Variants in SDR39U1 observed in about 807,000 individuals in gnomAD.
SDR39U1 encodes short chain dehydrogenase/reductase family 39U member 1.
Under a neutral mutation model 31.7 loss-of-function variants are expected in SDR39U1, and 29 were observed. The observed-to-expected ratio is 0.92, with a 90% CI of 0.68 to 1.25. SDR39U1 has a LOEUF of 1.25. SDR39U1 is among the 50% of genes most tolerant of loss of function. The pLI is 0.00. For missense variants in SDR39U1, 403 were observed against 378.4 expected (o/e 1.06, Z -0.54); for synonymous variants, 147 against 159.0 (o/e 0.92, Z 0.57).
intron 4 of SDR39U1, 113 bp from the exon 5 acceptor site, chr14:24,441,039 G>A: frequency 8.8e-7 from 1 of 1,141,528 alleles, no homozygotes; most frequent in Non-Finnish European, 1.3e-6. Flanking sequence ...TCCCCATTTG[G>A]AGACAGAGCC....
At chr14:24,440,632 T>A (rs1308232040) in intron 5 of SDR39U1, 140 bp from the exon 6 acceptor site, 1 of 1,354,982 alleles carries the variant, frequency 7.4e-7, no homozygotes, top group African/African-American at 1.5e-5. Context: ...ATGGCTGTCT[T>A]TAAGACCTCA....
chr14:24,442,356 C>T lies in SDR39U1; in HGVS notation c.113G>A (p.Arg38Gln). ...TLVSRKPGPG[R>Q]ITWDELAASG... is the part of the protein sequence containing the mutation. ...AGAGGATGGACTTACCCACGTGATC[C>T]GGCCGGGCCCGGGCTTTCGGGAGAC... Residue 38 changes from arginine to glutamine, a missense_variant, in exon 2 of 6, where the codon CGG becomes CAG. By Grantham distance (43) the Arg-to-Gln change is conservative. Coordinates refer to ENST00000399395, the MANE Select transcript of SDR39U1 (RefSeq NM_020195.3). 1 of 1,611,142 alleles carries T rather than the reference C, an allele frequency of 6.2e-7. No individual in the cohort carries two copies. Among genetic ancestry groups the T allele is most frequent in the South Asian group, 1.1e-5 (1 of 90,388 alleles).
In SDR39U1 at chr14:24,442,335, G is replaced by C. The variant is rs2043373227; in HGVS notation, c.123+11C>G. 5.6e-6 allele frequency: 9 copies of C among 1,608,924 alleles called. No individual in the cohort carries two copies. The highest frequency in any genetic ancestry group is 7.6e-6 in the Non-Finnish European group (9 of 1,177,846). ...TCTGCCCTCCCACCCGCTTCCAGAGGATGGACTTACCCACGTGATCCGGCC... is the reference window on the plus strand; with the variant it reads ...TCTGCCCTCCCACCCGCTTCCAGAGCATGGACTTACCCACGTGATCCGGCC... On this transcript the variant is annotated intron_variant, in intron 2 of 5. Transcript: ENST00000399395.
At chr14:24,441,369 C>T in intron 4 of SDR39U1, 1 of 459,836 alleles carries the variant, frequency 2.2e-6, no homozygotes, top group Non-Finnish European at 3.8e-6. Context: ...TAATTGTTTG[C>T]AATTACTTGG....
chr14:24,442,510 C>A, intron 1 of SDR39U1, 58 bp from the exon 2 acceptor site: 1 of 1,487,772 alleles, frequency 6.7e-7, no homozygotes, highest in Non-Finnish European at 9.2e-7. Flanking sequence ...GGGCGCCTTC[C>A]GTCCCCGCTG....
chr14:24,440,435 A>T lies in SDR39U1; in HGVS notation c.530T>A (p.Leu177Gln). ...AMGHMLLPFR[L>Q]GLGGPIGSGH... ...TGAGCCGATGGGGCCCCCCAGGCCC[A>T]GGCGAAAGGGCAGCAGCATGTGGCC... Residue 177 changes from leucine (L) to glutamine (Q), a missense_variant, in exon 6 of 6, where the codon CTG (leucine) becomes CAG (glutamine). Leu to Gln is a moderately radical substitution (Grantham distance 113). Transcript: ENST00000399395. 3 of 1,612,386 alleles carry T rather than the reference A, an allele frequency of 1.9e-6. No individual in the cohort carries two copies. Among genetic ancestry groups the T allele is most frequent in the African/African-American group, 1.3e-5 (1 of 75,022 alleles).
chr14:24,440,666 T>TAG, intron 5 of SDR39U1, 117 bp downstream of exon 5: 1 of 1,421,244 alleles, frequency 7.0e-7, no homozygotes, highest in South Asian at 1.3e-5. Context: ...GCAGGTTGGC[T>TAG]AGAAGTGGTG....
At position 24,442,747 on chromosome 14, in the gene SDR39U1, C is replaced by G. The variant is rs755215618; in HGVS notation, c.16+7G>C. 1 of 1,614,034 alleles carries G rather than the reference C, an allele frequency of 6.2e-7. No individual in the cohort carries two copies. The highest frequency in any genetic ancestry group is 8.5e-7 in the Non-Finnish European group (1 of 1,179,884). On this transcript the variant is annotated splice_region_variant and intron_variant, in intron 1 of 5. Coordinates refer to ENST00000399395, the MANE Select transcript of SDR39U1 (RefSeq NM_020195.3). ...GCCCAGCACTCTCCCTTTCTGCCCT[C>G]CCTCACCCACAAGCACACGCATAGC...
chr14:24,440,966 G>A, intron 4 of SDR39U1, 40 bp from the exon 5 acceptor site: 1 of 1,612,822 alleles, frequency 6.2e-7, no homozygotes, highest in Non-Finnish European at 8.5e-7. Context: ...GGTGTCCTTG[G>A]TCCTGCCTGG....
chr14:24,440,545 C>T, intron 5 of SDR39U1, 53 bp from the exon 6 acceptor site: 2 of 1,532,884 alleles, frequency 1.3e-6, no homozygotes, highest in Non-Finnish European at 1.8e-6. Flanking sequence ...TGAAGGAGCC[C>T]ACTGCTCCTC....
chr14:24,440,695 A>G, intron 5 of SDR39U1, 88 bp downstream of exon 5: 2 of 1,514,694 alleles, frequency 1.3e-6, no homozygotes, highest in Non-Finnish European at 1.8e-6. Flanking sequence ...TCACTCTGTA[A>G]TTGTAATCTC....
intron 1 of SDR39U1, 89 bp from the exon 2 acceptor site, chr14:24,442,541 A>G: frequency 2.2e-6 from 3 of 1,338,218 alleles, no homozygotes; most frequent in Non-Finnish European, 1.1e-6. Context: ...TTCCGGCGCC[A>G]TCCCATCTGA....
rs200762005 is a variant in SDR39U1 at position 24,442,307 on chromosome 14, A to T, written c.123+39T>A. On this transcript the variant is annotated intron_variant, in intron 2 of 5. Transcript: ENST00000399395. Reference sequence around the variant, plus strand: ...GCCCCTGCCCCGCCCTGCGCCGCCCAACTCTGCCCTCCCACCCGCTTCCAG... The same window carrying T: ...GCCCCTGCCCCGCCCTGCGCCGCCCTACTCTGCCCTCCCACCCGCTTCCAG... The T allele has an allele frequency of 1.9e-6, 3 of 1,580,352 alleles. No individual in the cohort carries two copies. In the African/African-American group the frequency reaches 5.6e-5, roughly 29 times the overall value.
rs2139423303 is a variant in SDR39U1 at position 24,442,776 on chromosome 14, T to C, written c.-7A>G. 1 of 1,613,982 alleles carries C rather than the reference T, an allele frequency of 6.2e-7. No individual in the cohort carries two copies. Among genetic ancestry groups the C allele is most frequent in the South Asian group, 1.1e-5 (1 of 91,082 alleles). Reference sequence around the variant, plus strand: ...CACCCACAAGCACACGCATAGCGACTAGGACCTAACGCGCCTGCGTAAAGT... The same window carrying C: ...CACCCACAAGCACACGCATAGCGACCAGGACCTAACGCGCCTGCGTAAAGT... On this transcript the variant is annotated 5_prime_UTR_variant, in exon 1 of 6. Transcript: ENST00000399395.
chr14:24,442,021 C>T, intron 3 of SDR39U1, 157 bp downstream of exon 3: 2 of 1,497,032 alleles, frequency 1.3e-6, no homozygotes, highest in Non-Finnish European at 1.8e-6. Context: ...GGTGGAGGAG[C>T]AGGTGGGGGT....
chr14:24,441,041 G>A, intron 4 of SDR39U1, 115 bp from the exon 5 acceptor site: 1 of 1,135,512 alleles, frequency 8.8e-7, no homozygotes, highest in Non-Finnish European at 1.3e-6. Context: ...CCCATTTGGA[G>A]ACAGAGCCAT....
Position 24,440,309 on chromosome 14 carries a change from G to GCCACTCC in SDR39U1, c.649_655dup (p.Ala219GlyfsTer9). 1.2e-6 allele frequency: 2 copies of GCCACTCC among 1,614,030 alleles called. No homozygotes were observed. Among genetic ancestry groups the GCCACTCC allele is most frequent in the Non-Finnish European group, 1.7e-6 (2 of 1,179,894 alleles). On this transcript the variant is annotated frameshift_variant, in exon 6 of 6. Coordinates refer to ENST00000399395, the MANE Select transcript of SDR39U1 (RefSeq NM_020195.3). LOFTEE classifies it high-confidence loss of function. ...CTCAGCATTAGTGGCGGAGGATGGAGCCACTCCATTCAGGACCCCGTGCAC... is the reference window on the plus strand; with the variant it reads ...CTCAGCATTAGTGGCGGAGGATGGAGCCACTCCCCACTCCATTCAGGACCCCGTGCAC...
Position 24,440,083 on chromosome 14 carries a change from T to C in SDR39U1, c.882A>G (p.Ter294=), listed in dbSNP as rs1325918540. 3.1e-6 allele frequency: 5 copies of C among 1,592,190 alleles called. No individual in the cohort carries two copies. The highest frequency in any genetic ancestry group is 3.4e-5 in the Admixed American group (2 of 59,080). The change falls in exon 6 of 6, where the codon TAA becomes TAG. Residue 294 remains the stop codon, a stop_retained_variant. Coordinates refer to ENST00000399395, the MANE Select transcript of SDR39U1 (RefSeq NM_020195.3). ...GCCTCAGGCCCTTGCCACGACCTACTTAGGCTACAATTTCCTTTAAGGCAG... is the reference window on the plus strand; with the variant it reads ...GCCTCAGGCCCTTGCCACGACCTACCTAGGCTACAATTTCCTTTAAGGCAG... ...LGAALKEIVA[*] is the part of the protein sequence containing the mutation.
rs1277149619 is a variant in SDR39U1, at chr14:24,440,425, C to T, written c.540G>A (p.Gly180=). The T allele has an allele frequency of 1.2e-6, 2 of 1,613,078 alleles. No individual in the cohort carries two copies. The highest frequency in any genetic ancestry group is 1.7e-6 in the Non-Finnish European group (2 of 1,179,494). The change falls in exon 6 of 6, where the codon GGG becomes GGA. Residue 180 remains glycine, a synonymous_variant. Transcript: ENST00000399395. ...HMLLPFRLGL[G]GPIGSGHQFF... ...ATTGGTGGCCTGAGCCGATGGGGCC[C>T]CCCAGGCCCAGGCGAAAGGGCAGCA...
Sources: allele counts gnomAD v4.1 joint callset, GRCh38; gene constraint gnomAD v4.1.1; transcripts MANE v1.5; gene names NCBI Gene and HGNC (gene_info 2026-07-23, HGNC 2026-07-21).